MED31: variants seen among roughly 807,000 people sequenced by gnomAD.
The protein encoded by MED31 is mediator of RNA polymerase II transcription subunit 31.
In MED31, 11 loss-of-function variants were observed where a neutral mutation model predicts 22.0. The ratio of observed to expected loss-of-function variants is 0.50; its 90% CI spans 0.31 to 0.83. The LOEUF (loss-of-function observed/expected upper bound fraction) is 0.83, where lower values mean the gene tolerates loss of function less well. Among genes scored for constraint, MED31 ranks in the 40% least tolerant of loss-of-function variants. The probability of loss-of-function intolerance (pLI) is 0.04; values close to 1 mark genes in which losing one functional copy is unlikely to be tolerated. For synonymous variants in MED31, 60 were observed against 55.1 expected (o/e 1.09, Z -0.40); for missense variants, 122 against 155.3 (o/e 0.79, Z 1.14).
At chr17:6,646,571 T>G (rs553678597) in intron 3 of MED31, among the ~76,000 whole-genome samples, 4 of 152,362 alleles carry the variant, frequency 2.6e-5, no homozygotes, top group Admixed American at 6.5e-5. Flanking sequence ...TTTAGGGCTG[T>G]GCAGGATGTG....
rs112731340 is a variant in MED31, at chr17:6,651,275, A to G, written c.28+226T>C. On this transcript the variant is annotated intron_variant, in intron 1 of 3. Transcript: ENST00000225728. Reference sequence around the variant, plus strand: ...CCTCTCCCTTAGTCTCACCCACGCCAGGGAGCTGGTGGGGTGGTGTCTGAA... The same window carrying G: ...CCTCTCCCTTAGTCTCACCCACGCCGGGGAGCTGGTGGGGTGGTGTCTGAA... 1.7e-3 allele frequency: 962 copies of G among 579,450 alleles called. 12 individuals are homozygous for G. Among genetic ancestry groups the G allele is most frequent in the African/African-American group, 0.016 (858 of 53,512 alleles). 35.9% of individuals were successfully genotyped at this position (579,450 alleles called of 1,614,324 possible). A position where few individuals can be genotyped will look rare whatever the true frequency, so the allele number is the denominator to read the frequency against.
At chr17:6,648,448 G>T (rs546112761) in intron 3 of MED31, among the ~76,000 whole-genome samples, 1 of 152,222 alleles carries the variant, frequency 6.6e-6, no homozygotes, top group Non-Finnish European at 1.5e-5. Flanking sequence ...GCAGCTAGTA[G>T]TGACAGCTGC....
intron 1 of MED31, among the ~76,000 whole-genome samples, chr17:6,651,114 C>T (rs1294553176): frequency 1.8e-4 from 3 of 16,640 alleles, no homozygotes; most frequent in Non-Finnish European, 2.9e-4. Flanking sequence ...GAGCCAGACG[C>T]TGTCTCAAAA....
chr17:6,650,147 T>C, intron 2 of MED31, 69 bp from the exon 3 acceptor site: 1 of 1,442,246 alleles, frequency 6.9e-7, no homozygotes, highest in South Asian at 1.3e-5. Context: ...TTACCCCTAA[T>C]ATAAAGGATC....
intron 3 of MED31, among the ~76,000 whole-genome samples, chr17:6,648,779 T>G (rs1972793105): frequency 6.6e-6 from 1 of 152,198 alleles, no homozygotes; most frequent in African/African-American, 2.4e-5. Flanking sequence ...AAGGAAGAAC[T>G]TTCTAATATC....
rs1163054047 is a variant in MED31, at chr17:6,644,242, TAAA to T, written c.*222_*224del. 3.6e-6 allele frequency: 2 copies of T among 555,646 alleles called. No individual in the cohort carries two copies. The highest frequency in any genetic ancestry group is 2.9e-6 in the Non-Finnish European group (1 of 343,304). 34.4% of individuals were successfully genotyped at this position (555,646 alleles called of 1,614,324 possible). A position where few individuals can be genotyped will look rare whatever the true frequency, so the allele number is the denominator to read the frequency against. Reference sequence around the variant, plus strand: ...TAATCAGCTGATTATGCTAAATGCGTAAAAAAGAAAAACACCTTACAAATCCAC... The same window carrying T: ...TAATCAGCTGATTATGCTAAATGCGTAAAGAAAAACACCTTACAAATCCAC... On this transcript the variant is annotated 3_prime_UTR_variant, in exon 4 of 4. Transcript: ENST00000225728.
Position 6,651,518 on chromosome 17 carries a change from G to T in MED31, c.11C>A (p.Ala4Asp). Residue 4 changes from alanine to aspartate, a missense_variant, in exon 1 of 4, where the codon GCT (alanine) becomes GAT (aspartate). By Grantham distance (126) the Ala-to-Asp change is moderately radical (BLOSUM62 -2). Transcript: ENST00000225728. ...CTACTCACCTGTCTCCATAGCGACA[G>T]CAGCGGCCATAACAAACGAAGACAC... Reference protein sequence around the residue: MAAAVAMETDDAGN... With the variant: MAADVAMETDDAGN... 1 of 1,614,110 alleles carries T rather than the reference G, an allele frequency of 6.2e-7. No homozygotes were observed. Among genetic ancestry groups the T allele is most frequent in the East Asian group, 2.2e-5 (1 of 44,880 alleles).
chr17:6,649,824 T>C (rs891980164), intron 3 of MED31, 158 bp downstream of exon 3: 49 of 680,902 alleles, frequency 7.2e-5, no homozygotes, highest in Admixed American at 3.6e-4. Flanking sequence ...AGTAGATTAC[T>C]GCAGTGTTAC....
In MED31 at chr17:6,644,357, G is replaced by T; in HGVS notation, c.*110C>A. On this transcript the variant is annotated 3_prime_UTR_variant, in exon 4 of 4. Coordinates refer to ENST00000225728, the MANE Select transcript of MED31 (RefSeq NM_016060.3). Reference sequence around the variant, plus strand: ...TGAAAAAGCACACTAAAGGTTCTAGGGGCTACCATAATAAAGGTAGATAGG... The same window carrying T: ...TGAAAAAGCACACTAAAGGTTCTAGTGGCTACCATAATAAAGGTAGATAGG... 1.6e-6 allele frequency: 2 copies of T among 1,284,816 alleles called. No homozygotes were observed. The highest frequency in any genetic ancestry group is 2.5e-5 in the East Asian group (1 of 39,538). The allele number at this position is 1,284,816 out of a possible 1,614,324, so 79.6% of individuals were successfully genotyped here.
chr17:6,645,033 A>G (rs566185830), intron 3 of MED31, among the ~76,000 whole-genome samples: 1 of 152,314 alleles, frequency 6.6e-6, no homozygotes, highest in East Asian at 1.9e-4. Context: ...TTTTCCTTCA[A>G]TAGGGATAAA....
chr17:6,647,005 T>C (rs1285778328), intron 3 of MED31, among the ~76,000 whole-genome samples: 1 of 152,238 alleles, frequency 6.6e-6, no homozygotes, highest in East Asian at 1.9e-4. Flanking sequence ...TGTTGCTCTC[T>C]GCTAGTTAGA....
chr17:6,649,740 A>G, intron 3 of MED31: 1 of 333,042 alleles, frequency 3.0e-6, no homozygotes, highest in Non-Finnish European at 5.4e-6. Flanking sequence ...CTGTGTAGAA[A>G]GCTGTTTTGC....
Position 6,644,257 on chromosome 17 carries a change from C to G in MED31, c.*210G>C. On this transcript the variant is annotated 3_prime_UTR_variant, in exon 4 of 4. Transcript: ENST00000225728. ...GCTAAATGCGTAAAAAAGAAAAACA[C>G]CTTACAAATCCACAGGGAAATCAAA... 1.8e-6 allele frequency: 1 copy of G among 570,664 alleles called. No individual in the cohort carries two copies. The highest frequency in any genetic ancestry group is 4.0e-5 in the South Asian group (1 of 24,796). The allele number at this position is 570,664 out of a possible 1,614,324, so 35.4% of individuals were successfully genotyped here.
At chr17:6,650,307 C>A in intron 2 of MED31, 49 bp downstream of exon 2, 2 of 1,560,648 alleles carry the variant, frequency 1.3e-6, no homozygotes, top group South Asian at 2.3e-5. Context: ...ACTCTTCTGT[C>A]AGAAATCATT....
At chr17:6,648,212 T>C (rs1972787493) in intron 3 of MED31, among the ~76,000 whole-genome samples, 1 of 152,248 alleles carries the variant, frequency 6.6e-6, no homozygotes, top group South Asian at 2.1e-4. Context: ...CACTGTACTC[T>C]GACCACACCT....
rs371134251 is a variant in MED31 at position 6,644,491 on chromosome 17, C to T, written c.372G>A (p.Gln124=). ...RLQQALAEQQ[Q]QNNTSGK The stretch of plus-strand genomic sequence containing the variant: ...TTCATTTTCCCGATGTGTTATTTTG[C>T]TGTTGCTGCTCTGCCAAGGCTTGCT... Residue 124 remains glutamine, a synonymous_variant, in exon 4 of 4, where the codon CAG becomes CAA. Coordinates refer to ENST00000225728, the MANE Select transcript of MED31 (RefSeq NM_016060.3). The T allele has an allele frequency of 8.7e-6, 14 of 1,604,222 alleles. No individual in the cohort carries two copies. The African/African-American group carries it at 1.7e-4, about 20-fold the overall frequency.
intron 2 of MED31, 126 bp downstream of exon 2, chr17:6,650,230 T>C (rs1049021884): frequency 7.3e-6 from 9 of 1,232,758 alleles, no homozygotes; most frequent in Non-Finnish European, 1.0e-5. Flanking sequence ...ATTATATCTA[T>C]ATACCAGCAT....
In MED31 at chr17:6,644,221, C is replaced by T; in HGVS notation, c.*246G>A. 1 of 494,340 alleles carries T rather than the reference C, an allele frequency of 2.0e-6. No homozygotes were observed. The highest frequency in any genetic ancestry group is 2.0e-5 in the African/African-American group (1 of 50,328). The allele number at this position is 494,340 out of a possible 1,614,324, so 30.6% of individuals were successfully genotyped here. On this transcript the variant is annotated 3_prime_UTR_variant, in exon 4 of 4. Coordinates refer to ENST00000225728, the MANE Select transcript of MED31 (RefSeq NM_016060.3). ...AGCACCTAACTTTTCCATTCTTAATCAGCTGATTATGCTAAATGCGTAAAA... is the reference window on the plus strand; with the variant it reads ...AGCACCTAACTTTTCCATTCTTAATTAGCTGATTATGCTAAATGCGTAAAA...
chr17:6,651,202 G>A (rs535960976), intron 1 of MED31: 3 of 282,068 alleles, frequency 1.1e-5, no homozygotes, highest in South Asian at 9.7e-5. Context: ...GCAAGCTCAT[G>A]TGAGAAGCAG....
Sources: gnomAD v4.1 joint callset for allele counts (sites outside exome capture counted in the v4.1 genomes callset) on GRCh38, gnomAD v4.1.1 for gene constraint, MANE v1.5 for transcripts, NCBI Gene and HGNC (gene_info 2026-07-23, HGNC 2026-07-21) for gene names.